Variants in GALNT17 observed in about 807,000 individuals in gnomAD.
GALNT17 encodes UDP-GalNAc:polypeptide N-acetylgalactosaminyltransferase-like 3.
GALNT17 carries 29 observed loss-of-function variants against 63.7 expected under a neutral mutation model. The ratio of observed to expected loss-of-function variants is 0.46; its 90% CI spans 0.34 to 0.62. GALNT17 has a LOEUF of 0.62. Among genes scored for constraint, GALNT17 ranks in the 20% least tolerant of loss-of-function variants. The pLI is 0.01. For synonymous variants in GALNT17, 305 were observed against 318.3 expected (o/e 0.96, Z 0.45); for missense variants, 603 against 799.6 (o/e 0.75, Z 2.97).
At chr7:71,668,318 A>T (rs911449678) in intron 7 of GALNT17, among the ~76,000 whole-genome samples, 26 of 151,980 alleles carry the variant, frequency 1.7e-4, no homozygotes, top group Non-Finnish European at 1.3e-4. Context: ...GGAGTTCGAG[A>T]CCAGCCTGAC....
intron 1 of GALNT17, among the ~76,000 whole-genome samples, chr7:71,229,988 C>G (rs1410916898): frequency 6.6e-6 from 1 of 152,116 alleles, no homozygotes; most frequent in Non-Finnish European, 1.5e-5. Flanking sequence ...CCAGCACAGG[C>G]CTTGGAGAAA....
chr7:71,184,895 A>G (rs1208419222), intron 1 of GALNT17, among the ~76,000 whole-genome samples: 1 of 151,536 alleles, frequency 6.6e-6, no homozygotes, highest in East Asian at 2.0e-4. Flanking sequence ...AAGCCCTGTG[A>G]GCTGGGGGCA....
chr7:71,357,101 T>C (rs960505632), intron 2 of GALNT17, among the ~76,000 whole-genome samples: 1 of 152,046 alleles, frequency 6.6e-6, no homozygotes, highest in African/African-American at 2.4e-5. Context: ...GAGTGTTTTT[T>C]GTGTGTGTTT....
intron 1 of GALNT17, among the ~76,000 whole-genome samples, chr7:71,261,482 T>C (rs1790384551): frequency 6.6e-6 from 1 of 152,234 alleles, no homozygotes; most frequent in African/African-American, 2.4e-5. Flanking sequence ...TCCCGGGTTC[T>C]CCTGGGAGTC....
chr7:71,376,812 T>A (rs909304952), intron 2 of GALNT17, among the ~76,000 whole-genome samples: 2 of 151,118 alleles, frequency 1.3e-5, no homozygotes, highest in African/African-American at 4.9e-5. Context: ...AATTAGTTGG[T>A]CATGGTGTCG....
intron 5 of GALNT17, among the ~76,000 whole-genome samples, chr7:71,540,028 A>G (rs535739994): frequency 6.4e-4 from 94 of 146,020 alleles, no homozygotes; most frequent in African/African-American, 2.3e-3. Context: ...TCCTGGGCTC[A>G]ATCAGTCTTC....
chr7:71,695,198 A>G (rs1366619925), intron 9 of GALNT17, among the ~76,000 whole-genome samples: 1 of 152,124 alleles, frequency 6.6e-6, no homozygotes. Context: ...GAGAGGCCCC[A>G]GGTCTCTCCA....
intron 1 of GALNT17, among the ~76,000 whole-genome samples, chr7:71,200,726 T>TA (rs1455205559): frequency 2.6e-5 from 4 of 152,170 alleles, no homozygotes; most frequent in Non-Finnish European, 5.9e-5. Context: ...TGCTCCTACA[T>TA]AGCTATGATA....
At chr7:71,332,749 T>A (rs1157728878) in intron 1 of GALNT17, among the ~76,000 whole-genome samples, 1 of 152,100 alleles carries the variant, frequency 6.6e-6, no homozygotes, top group African/African-American at 2.4e-5. Context: ...TGGAGTGCAG[T>A]GGCGCAGTCT....
chr7:71,616,689 TATATA>T (rs1181037743), intron 6 of GALNT17, among the ~76,000 whole-genome samples: 2 of 79,858 alleles, frequency 2.5e-5, no homozygotes, highest in African/African-American at 7.8e-5. Flanking sequence ...TACATTATAA[TATATA>T]ATATATTGTG....
At chr7:71,293,068 G>A (rs922052264) in intron 1 of GALNT17, among the ~76,000 whole-genome samples, 12 of 152,142 alleles carry the variant, frequency 7.9e-5, no homozygotes, top group African/African-American at 2.9e-4. Flanking sequence ...GTGTATGTGT[G>A]TGTGTGTATA....
At chr7:71,438,390 C>T (rs1989271) in intron 5 of GALNT17, among the ~76,000 whole-genome samples, 12,222 of 152,158 alleles carry the variant, frequency 0.08, 748 homozygotes, top group East Asian at 0.3. Context: ...GGTTAGTGCC[C>T]ACCCAGATTA....
chr7:71,522,930 G>C (rs561841993), intron 5 of GALNT17, among the ~76,000 whole-genome samples: 1 of 152,282 alleles, frequency 6.6e-6, no homozygotes, highest in African/African-American at 2.4e-5. Flanking sequence ...TCTTAGTTGG[G>C]TGCAGGAGCT....
chr7:71,662,078 A>G (rs1790915392), intron 6 of GALNT17, among the ~76,000 whole-genome samples: 1 of 152,050 alleles, frequency 6.6e-6, no homozygotes, highest in Non-Finnish European at 1.5e-5. Context: ...AGCCATCCTG[A>G]CCTTGGTCTG....
At chr7:71,280,055 A>T (rs1407492551) in intron 1 of GALNT17, among the ~76,000 whole-genome samples, 1 of 152,052 alleles carries the variant, frequency 6.6e-6, no homozygotes, top group Non-Finnish European at 1.5e-5. Context: ...TTACTGGGTT[A>T]TATGCATGCT....
At chr7:71,416,966 C>T (rs1309087784) in intron 4 of GALNT17, among the ~76,000 whole-genome samples, 1 of 152,056 alleles carries the variant, frequency 6.6e-6, no homozygotes, top group Non-Finnish European at 1.5e-5. Context: ...AGTGAGGCCA[C>T]AAAAATGCCA....
intron 2 of GALNT17, among the ~76,000 whole-genome samples, chr7:71,383,790 T>G (rs1792888319): frequency 6.6e-6 from 1 of 152,220 alleles, no homozygotes; most frequent in Non-Finnish European, 1.5e-5. Flanking sequence ...TGGTTGAATA[T>G]GAAAATACAG....
At chr7:71,688,307 T>C (rs1452554395) in intron 9 of GALNT17, among the ~76,000 whole-genome samples, 1 of 152,192 alleles carries the variant, frequency 6.6e-6, no homozygotes, top group Admixed American at 6.5e-5. Context: ...ATTCAAAATG[T>C]TTCTGATTTT....
intron 6 of GALNT17, among the ~76,000 whole-genome samples, chr7:71,605,538 A>T (rs1790032602): frequency 1.3e-5 from 2 of 151,536 alleles, no homozygotes; most frequent in South Asian, 4.2e-4. Flanking sequence ...GTGAGACAAG[A>T]TAGCACCACT....
Sources: allele counts gnomAD v4.1 joint callset (sites outside exome capture counted in the v4.1 genomes callset), GRCh38; gene constraint gnomAD v4.1.1; transcripts MANE v1.5; gene names NCBI Gene and HGNC (gene_info 2026-07-23, HGNC 2026-07-21).